The following TBCK variants were observed in gnomAD, a reference collection of about 807,000 sequenced individuals.
TBCK encodes the protein TBC1 domain containing kinase.
In TBCK, 99 loss-of-function variants were observed where a neutral mutation model predicts 113.4. That is an observed-to-expected ratio of 0.87 (90% confidence interval 0.74 to 1.03). The LOEUF (loss-of-function observed/expected upper bound fraction) is 1.03, where lower values mean the gene tolerates loss of function less well. Ranked by LOEUF, TBCK falls within the 50% of genes least tolerant of loss-of-function variation. TBCK has a pLI of 0.00. For missense variants in TBCK, 1,045 were observed against 1,061.3 expected (o/e 0.98, Z 0.21); for synonymous variants, 369 against 370.8 (o/e 1.00, Z 0.05).
chr4:106,189,184 A>G (rs769576095), intron 22 of TBCK, among the ~76,000 whole-genome samples: 1 of 151,970 alleles, frequency 6.6e-6, no homozygotes, highest in Non-Finnish European at 1.5e-5. Context: ...ATTTTTACAG[A>G]TGGGTGGGGG....
intron 1 of TBCK, among the ~76,000 whole-genome samples, chr4:106,311,456 T>C (rs1280204120): frequency 1.3e-5 from 2 of 151,946 alleles, no homozygotes; most frequent in African/African-American, 4.8e-5. Flanking sequence ...AAAAGTAACA[T>C]AAAATATTCC....
intron 1 of TBCK, among the ~76,000 whole-genome samples, chr4:106,312,496 G>A (rs1768309913): frequency 6.6e-6 from 1 of 152,150 alleles, no homozygotes; most frequent in African/African-American, 2.4e-5. Context: ...TTGCTATATT[G>A]CTAGTGGGAG....
chr4:106,193,465 A>G (rs940622437), intron 22 of TBCK, 144 bp downstream of exon 22: 1 of 759,900 alleles, frequency 1.3e-6, no homozygotes, highest in Non-Finnish European at 2.1e-6. Flanking sequence ...GCAGTATATG[A>G]GAGAAAGAAT....
At chr4:106,297,767 A>C (rs1205830430) in intron 2 of TBCK, 1 of 152,160 alleles carries the variant, frequency 6.6e-6, no homozygotes, top group Non-Finnish European at 1.5e-5. Context: ...AAGAGTATAG[A>C]CTATTTTGTC....
intron 3 of TBCK, among the ~76,000 whole-genome samples, chr4:106,266,792 C>T (rs1763034744): frequency 6.6e-6 from 1 of 151,764 alleles, no homozygotes; most frequent in Admixed American, 6.6e-5. Flanking sequence ...ATGAGAAGAA[C>T]AAATCAGTAT....
At chr4:106,152,846 G>C (rs570521664) in intron 23 of TBCK, among the ~76,000 whole-genome samples, 2 of 152,062 alleles carry the variant, frequency 1.3e-5, no homozygotes, top group South Asian at 4.1e-4. Flanking sequence ...ACCTCTTCTA[G>C]ATTTTCCAAT....
intron 3 of TBCK, among the ~76,000 whole-genome samples, chr4:106,289,504 C>G (rs1765453448): frequency 1.3e-5 from 2 of 152,106 alleles, no homozygotes; most frequent in South Asian, 4.1e-4. Context: ...GGCGCGGTGG[C>G]TCATGCCTGT....
intron 25 of TBCK, among the ~76,000 whole-genome samples, chr4:106,069,607 A>G (rs912961010): frequency 1.4e-4 from 22 of 152,206 alleles, no homozygotes; most frequent in African/African-American, 5.3e-4. Flanking sequence ...CTTTTGGCTT[A>G]GAATTGTCTT....
chr4:106,122,015 A>C (rs1335061149), intron 23 of TBCK, among the ~76,000 whole-genome samples: 1 of 152,224 alleles, frequency 6.6e-6, no homozygotes, highest in African/African-American at 2.4e-5. Context: ...GGCAAGAAAT[A>C]ACTAAAATCA....
intron 25 of TBCK, among the ~76,000 whole-genome samples, chr4:106,049,525 T>G (rs1289938489): frequency 2.0e-5 from 3 of 152,070 alleles, no homozygotes; most frequent in Admixed American, 6.6e-5. Flanking sequence ...GAAAAGGCTG[T>G]GAATGTGCTG....
rs1463999405 is a variant in TBCK at position 106,116,844 on chromosome 4, C to T, written c.2236-466G>A. Among the ~76,000 whole-genome samples the T allele has an allele frequency of 2.0e-5, 3 of 152,094 alleles. No individual in the cohort carries two copies. In the East Asian group the frequency reaches 5.8e-4, roughly 29 times the overall value. ...ATAGGATCATCTAGTTGCAGGAAAACAACCTCAGGGCTCTCACTGATTCTA... is the reference window on the plus strand; with the variant it reads ...ATAGGATCATCTAGTTGCAGGAAAATAACCTCAGGGCTCTCACTGATTCTA... On this transcript the variant is annotated intron_variant, in intron 23 of 25. Transcript: ENST00000394708.
intron 22 of TBCK, among the ~76,000 whole-genome samples, chr4:106,173,286 A>G (rs866738475): frequency 3.0e-4 from 45 of 152,168 alleles, no homozygotes; most frequent in African/African-American, 1.1e-3. Context: ...AAGGTTTAAG[A>G]CAGGTTTCTC....
At chr4:106,056,072 ATTC>A (rs1378685126) in intron 25 of TBCK, among the ~76,000 whole-genome samples, 18 of 151,064 alleles carry the variant, frequency 1.2e-4, no homozygotes, top group African/African-American at 4.4e-4. Context: ...TCTTCTTTGA[ATTC>A]TAGTCTGAAT....
chr4:106,231,795 T>A lies in TBCK; in HGVS notation c.1640-16A>T. The A allele has an allele frequency of 6.2e-7, 1 of 1,605,010 alleles. No homozygotes were observed. Among genetic ancestry groups the A allele is most frequent in the South Asian group, 1.1e-5 (1 of 89,694 alleles). On this transcript the variant is annotated splice_polypyrimidine_tract_variant and intron_variant, in intron 17 of 25. Transcript: ENST00000394708. ...GAGTCAAGACCTAACACAGAGGGGT[T>A]GGGAGAAAGAAGTCAAATAAATATA... is the stretch of plus-strand genomic sequence containing the variant.
chr4:106,284,237 C>T (rs1326625507), intron 3 of TBCK, among the ~76,000 whole-genome samples: 1 of 152,064 alleles, frequency 6.6e-6, no homozygotes, highest in Non-Finnish European at 1.5e-5. Context: ...GCCTCAAGAT[C>T]CATTATCAGT....
At chr4:106,307,135 T>G (rs185113732) in intron 2 of TBCK, among the ~76,000 whole-genome samples, 2 of 152,276 alleles carry the variant, frequency 1.3e-5, no homozygotes, top group Non-Finnish European at 2.9e-5. Flanking sequence ...TGTCAATATT[T>G]GCATTATTAT....
chr4:106,182,668 GACATCGA>G (rs1752537379), intron 22 of TBCK: 1 of 151,854 alleles, frequency 6.6e-6, no homozygotes, highest in African/African-American at 2.4e-5. Flanking sequence ...AATGTCTTAT[GACATCGA>G]ACTATCCCAA....
intron 25 of TBCK, among the ~76,000 whole-genome samples, chr4:106,071,749 C>T (rs1318808113): frequency 1.3e-5 from 2 of 152,128 alleles, no homozygotes; most frequent in Non-Finnish European, 2.9e-5. Flanking sequence ...CTTTGTAGGT[C>T]TCTAGGACTT....
At chr4:106,119,154 T>C (rs1743936724) in intron 23 of TBCK, among the ~76,000 whole-genome samples, 1 of 152,234 alleles carries the variant, frequency 6.6e-6, no homozygotes, top group Admixed American at 6.5e-5. Context: ...TCTTATTTAG[T>C]ATTATAGATA....
Sources: allele counts gnomAD v4.1 joint callset (sites outside exome capture counted in the v4.1 genomes callset), GRCh38; gene constraint gnomAD v4.1.1; transcripts MANE v1.5; gene names NCBI Gene and HGNC (gene_info 2026-07-23, HGNC 2026-07-21).